KDM4C: variants seen among roughly 807,000 people sequenced by gnomAD.
KDM4C encodes lysine demethylase 4C.
In KDM4C, 81 loss-of-function variants were observed where a neutral mutation model predicts 129.3. The ratio of observed to expected loss-of-function variants is 0.63; its 90% CI spans 0.52 to 0.75. KDM4C has a LOEUF of 0.75. Ranked by LOEUF, KDM4C falls within the 30% of genes least tolerant of loss-of-function variation. KDM4C has a pLI of 0.00. For synonymous variants in KDM4C, 573 were observed against 456.1 expected (o/e 1.26, Z -3.26); for missense variants, 1,457 against 1,304.0 (o/e 1.12, Z -1.81).
intron 18 of KDM4C, among the ~76,000 whole-genome samples, chr9:7,107,154 A>G (rs1837787258): frequency 6.6e-6 from 1 of 152,164 alleles, no homozygotes; most frequent in Admixed American, 6.5e-5. Context: ...GTGTGTAGTC[A>G]TGCTGTCCGC....
At chr9:6,792,152 C>T (rs1053738383) in intron 1 of KDM4C, among the ~76,000 whole-genome samples, 2 of 151,956 alleles carry the variant, frequency 1.3e-5, no homozygotes, top group African/African-American at 2.4e-5. Context: ...ATCAGCCTGG[C>T]TAACATGGTG....
chr9:6,752,667 C>G (rs1818112092), upstream of KDM4C, among the ~76,000 whole-genome samples: 1 of 151,902 alleles, frequency 6.6e-6, no homozygotes, highest in Admixed American at 6.6e-5. Context: ...ACCTCGCCTT[C>G]CCTGGAATTA....
intron 1 of KDM4C, among the ~76,000 whole-genome samples, chr9:6,769,168 C>A (rs180764456): frequency 9.6e-4 from 146 of 151,600 alleles, no homozygotes; most frequent in African/African-American, 3.4e-3. Context: ...TTTTGTTACT[C>A]ATTTTAGGCT....
At chr9:7,042,717 C>T (rs1237425155) in intron 15 of KDM4C, among the ~76,000 whole-genome samples, 1 of 151,998 alleles carries the variant, frequency 6.6e-6, no homozygotes, top group East Asian at 1.9e-4. Flanking sequence ...TTTATTTTTG[C>T]ACTCTACTTT....
At chr9:6,992,014 T>C (rs1271288461) in intron 12 of KDM4C, among the ~76,000 whole-genome samples, 1 of 122,718 alleles carries the variant, frequency 8.1e-6, no homozygotes, top group African/African-American at 2.7e-5. Context: ...TGTTGAGTTC[T>C]TTTTCTTTTT....
At chr9:6,757,750 T>C, upstream of KDM4C, 2 of 985,630 alleles carry the variant, frequency 2.0e-6, no homozygotes, top group Non-Finnish European at 2.4e-6. Context: ...GTGCACCTGT[T>C]TTCTCCTTCT....
intron 17 of KDM4C, among the ~76,000 whole-genome samples, chr9:7,065,318 A>G (rs1832274529): frequency 6.6e-6 from 1 of 152,122 alleles, no homozygotes; most frequent in Non-Finnish European, 1.5e-5. Flanking sequence ...TAATAATAAA[A>G]TGTTTTACTT....
At chr9:6,889,640 A>T (rs890333778) in intron 7 of KDM4C, among the ~76,000 whole-genome samples, 7 of 152,208 alleles carry the variant, frequency 4.6e-5, no homozygotes, top group Admixed American at 1.3e-4. Flanking sequence ...GCTTCTTTTA[A>T]GTAGTTGGCA....
chr9:6,837,864 G>GT (rs1053379085), intron 4 of KDM4C, among the ~76,000 whole-genome samples: 2 of 151,850 alleles, frequency 1.3e-5, no homozygotes, highest in Non-Finnish European at 2.9e-5. Context: ...ATTTTATTTA[G>GT]TTTTTTTGTA....
intron 5 of KDM4C, among the ~76,000 whole-genome samples, chr9:6,873,929 AGTGAGAGAGAGC>A (rs1843166321): frequency 2.2e-5 from 3 of 137,764 alleles, no homozygotes; most frequent in Non-Finnish European, 3.2e-5. Flanking sequence ...AGAGAGAGAG[AGTGAGAGAGAGC>A]GAGAGAGAGA....
chr9:6,865,844 G>A (rs1251111186), intron 5 of KDM4C, among the ~76,000 whole-genome samples: 1 of 151,950 alleles, frequency 6.6e-6, no homozygotes, highest in African/African-American at 2.4e-5. Flanking sequence ...TCTGCTTCCC[G>A]GGTTCACGCC....
intron 21 of KDM4C, chr9:7,170,487 T>G: frequency 4.1e-6 from 4 of 981,344 alleles, no homozygotes; most frequent in Non-Finnish European, 4.8e-6. Context: ...TCACATACCA[T>G]TAAAAGATGA....
chr9:6,837,655 C>G (rs914712458), intron 4 of KDM4C, among the ~76,000 whole-genome samples: 1 of 151,824 alleles, frequency 6.6e-6, no homozygotes, highest in Admixed American at 6.6e-5. Flanking sequence ...TCTTTATGAA[C>G]TGTCCTCTAT....
intron 1 of KDM4C, among the ~76,000 whole-genome samples, chr9:6,731,227 GA>G (rs1327072300): frequency 5.3e-5 from 8 of 150,596 alleles, no homozygotes; most frequent in African/African-American, 1.9e-4. Flanking sequence ...GTTTACAGGA[GA>G]AAAACAAAAC....
intron 2 of KDM4C, among the ~76,000 whole-genome samples, chr9:6,800,200 C>T (rs1423710430): frequency 6.6e-6 from 1 of 152,114 alleles, no homozygotes; most frequent in Non-Finnish European, 1.5e-5. Flanking sequence ...AATGCTGTCT[C>T]TACTAAAAAT....
intron 8 of KDM4C, among the ~76,000 whole-genome samples, chr9:6,977,988 C>T (rs930019046): frequency 6.6e-6 from 1 of 152,170 alleles, no homozygotes; most frequent in Non-Finnish European, 1.5e-5. Context: ...CCTCAATGTT[C>T]TTGTGGTCAG....
chr9:6,835,290 C>T, intron 4 of KDM4C: 2 of 911,392 alleles, frequency 2.2e-6, no homozygotes, highest in East Asian at 2.4e-5. Flanking sequence ...CTACCTTGAA[C>T]TCCATTATGA....
chr9:7,134,564 A>C (rs2129691882), intron 19 of KDM4C, among the ~76,000 whole-genome samples: 1 of 152,354 alleles, frequency 6.6e-6, no homozygotes, highest in South Asian at 2.1e-4. Context: ...AACTTTAATA[A>C]ATCAGACATT....
intron 4 of KDM4C, among the ~76,000 whole-genome samples, chr9:6,845,445 C>T (rs1055442646): frequency 6.6e-6 from 1 of 152,078 alleles, no homozygotes; most frequent in Non-Finnish European, 1.5e-5. Flanking sequence ...GAACTCCTGG[C>T]CTCAAGTGAT....
Sources: gnomAD v4.1 joint callset for allele counts (sites outside exome capture counted in the v4.1 genomes callset) on GRCh38, gnomAD v4.1.1 for gene constraint, MANE v1.5 for transcripts, NCBI Gene and HGNC (gene_info 2026-07-23, HGNC 2026-07-21) for gene names.